KCNJ5: variants seen among roughly 807,000 people sequenced by gnomAD.
The protein encoded by KCNJ5 is G protein-activated inward rectifier potassium channel 4.
In KCNJ5, 12 loss-of-function variants were observed where a neutral mutation model predicts 20.2. That is an observed-to-expected ratio of 0.59 (90% confidence interval 0.38 to 0.96). KCNJ5 has a LOEUF of 0.96. KCNJ5 is among the 40% of genes least tolerant of loss of function. The pLI is 0.00. For synonymous variants in KCNJ5, 210 were observed against 213.9 expected, an observed-to-expected ratio of 0.98 and a Z score of 0.16; for missense variants, 449 against 557.6, an observed-to-expected ratio of 0.81 and a Z score of 1.96.
chr11:128,894,899 A>C (rs1944148092), intron 1 of KCNJ5, among the ~76,000 whole-genome samples: 1 of 152,236 alleles, frequency 6.6e-6, no homozygotes, highest in South Asian at 2.1e-4. Context: ...TGGTAGAGCC[A>C]AAGCTTTAAT....
Position 128,911,892 on chromosome 11 carries a change from G to C in KCNJ5, c.619G>C (p.Val207Leu). 1 of 1,609,696 alleles carries C rather than the reference G, an allele frequency of 6.2e-7. No homozygotes were observed. Among genetic ancestry groups the C allele is most frequent in the South Asian group, 1.1e-5 (1 of 90,924 alleles). The change falls in exon 2 of 3, where the codon GTC becomes CTC. Residue 207 changes from valine to leucine, a missense_variant. Val to Leu is a conservative substitution (Grantham distance 32). Coordinates refer to ENST00000529694, the MANE Select transcript of KCNJ5 (RefSeq NM_000890.5). This position sits in a 1 kb window ranked among gnomAD's most constrained non-coding sequence, Gnocchi z 6.3. ...GACCCTCATGTTTTCCAACAACGCAGTCATCTCCATGCGGGACGAGAAGCT... is the reference window on the plus strand; with the variant it reads ...GACCCTCATGTTTTCCAACAACGCACTCATCTCCATGCGGGACGAGAAGCT... ...AETLMFSNNA[V>L]ISMRDEKLCL...
At chr11:128,904,830 A>C (rs1944368773) in intron 1 of KCNJ5, among the ~76,000 whole-genome samples, 2 of 152,242 alleles carry the variant, frequency 1.3e-5, no homozygotes, top group African/African-American at 4.8e-5. Context: ...ATCATGTGCT[A>C]TGAAACAAAC....
chr11:128,905,337 A>C (rs1944384943), intron 1 of KCNJ5, among the ~76,000 whole-genome samples: 1 of 151,744 alleles, frequency 6.6e-6, no homozygotes, highest in African/African-American at 2.4e-5. Context: ...GGCCACACCC[A>C]GGCGTCGAGC....
chr11:128,894,808 T>G (rs1234598384), intron 1 of KCNJ5, among the ~76,000 whole-genome samples: 1 of 152,188 alleles, frequency 6.6e-6, no homozygotes, highest in Non-Finnish European at 1.5e-5. Flanking sequence ...CCTCCTACCT[T>G]GACATTCTGA....
chr11:128,899,967 C>T (rs1944244636), intron 1 of KCNJ5: 1 of 152,102 alleles, frequency 6.6e-6, no homozygotes, highest in Non-Finnish European at 1.5e-5. Context: ...CAGTCACAAG[C>T]TCACGGGCCT....
rs1290084123 is a variant in KCNJ5, at chr11:128,911,594, T to C, written c.321T>C (p.Ile107=). Residue 107 remains isoleucine, a synonymous_variant, in exon 2 of 3, where the codon ATT becomes ATC. Transcript: ENST00000529694. This position sits in a 1 kb window ranked among gnomAD's most constrained non-coding sequence, Gnocchi z 6.3. ...YTVTWLFFGF[I]WWLIAYIRGD... ...TCACCTGGCTGTTCTTCGGCTTCAT[T>C]TGGTGGCTCATTGCTTATATCCGGG... The C allele has an allele frequency of 1.2e-6, 2 of 1,614,184 alleles. No homozygotes were observed. The highest frequency in any genetic ancestry group is 1.1e-5 in the South Asian group (1 of 91,074).
intron 2 of KCNJ5, among the ~76,000 whole-genome samples, chr11:128,913,402 G>A (rs998470855): frequency 6.6e-6 from 1 of 152,152 alleles, no homozygotes; most frequent in African/African-American, 2.4e-5. Context: ...GGTAGCCAAG[G>A]ACCCCCCAGT....
At chr11:128,910,727 C>T (rs1944483716) in intron 1 of KCNJ5, among the ~76,000 whole-genome samples, 1 of 152,152 alleles carries the variant, frequency 6.6e-6, no homozygotes, top group Non-Finnish European at 1.5e-5. Flanking sequence ...GCTTGGAATA[C>T]CAGAGAACAA....
chr11:128,916,622 C>G lies in KCNJ5; in HGVS notation c.1151C>G (p.Pro384Arg), dbSNP rs148307402. 41 of 1,613,998 alleles carry G rather than the reference C, an allele frequency of 2.5e-5. No homozygotes were observed. In the African/African-American group the frequency reaches 3.5e-4, roughly 14 times the overall value. Residue 384 changes from proline (P) to arginine (R), a missense_variant, in exon 3 of 3, where the codon CCA (proline) becomes CGA (arginine). Around this residue, in one of 5 missense-constraint regions of KCNJ5, gnomAD observed 64 missense variants for 51.3 expected, o/e 1.25. Coordinates refer to ENST00000529694, the MANE Select transcript of KCNJ5 (RefSeq NM_000890.5). ...CTCCTCCAGTACCTCCCCAGCCCCCCACTGCTGGGGGGCTGTGCTGAGGCA... is the reference window on the plus strand; with the variant it reads ...CTCCTCCAGTACCTCCCCAGCCCCCGACTGCTGGGGGGCTGTGCTGAGGCA... Reference protein sequence around the residue: ...GRLLQYLPSPPLLGGCAEAGL... With the variant: ...GRLLQYLPSPRLLGGCAEAGL...
chr11:128,897,599 G>A (rs1231590388), intron 1 of KCNJ5, among the ~76,000 whole-genome samples: 1 of 152,018 alleles, frequency 6.6e-6, no homozygotes, highest in Admixed American at 6.5e-5. Context: ...CTCCTACTTT[G>A]TAATTTTGCC....
At chr11:128,913,582 C>CTTG (rs1555145346) in intron 2 of KCNJ5, among the ~76,000 whole-genome samples, 13 of 147,316 alleles carry the variant, frequency 8.8e-5, no homozygotes, top group African/African-American at 3.3e-4. Flanking sequence ...CTCTCTCTCT[C>CTTG]TTTTTTTTTT....
At chr11:128,916,201 G>C (rs1248872453) in intron 2 of KCNJ5, among the ~76,000 whole-genome samples, 1 of 147,374 alleles carries the variant, frequency 6.8e-6, no homozygotes, top group East Asian at 2.2e-4. Flanking sequence ...TGGATGGTTG[G>C]ATGGATGGAT....
rs1944080093 is a variant in KCNJ5, at chr11:128,891,425, CACACACACACACACACAG to C, written c.-305_-288del. ...ACACACACACACACACACACACACA[CACACACACACACACACAG>C]AGAGAGAGAGAGAGAGAGAGAGAGA... is the stretch of plus-strand genomic sequence containing the variant. On this transcript the variant is annotated 5_prime_UTR_variant, in exon 1 of 3. Coordinates refer to ENST00000529694, the MANE Select transcript of KCNJ5 (RefSeq NM_000890.5). The C allele has an allele frequency of 3.8e-5, 4 of 106,478 alleles. No individual in the cohort carries two copies. Among genetic ancestry groups the C allele is most frequent in the Non-Finnish European group, 5.7e-5 (3 of 52,674 alleles). The allele number at this position is 106,478 out of a possible 1,614,324, so 6.6% of individuals were successfully genotyped here. A position where few individuals can be genotyped will look rare whatever the true frequency, so the allele number is the denominator to read the frequency against.
At chr11:128,914,955 G>A (rs1392200072) in intron 2 of KCNJ5, among the ~76,000 whole-genome samples, 2 of 152,248 alleles carry the variant, frequency 1.3e-5, no homozygotes, top group African/African-American at 2.4e-5. Context: ...CAAGGGTAAC[G>A]ACTGAAGGGA....
chr11:128,914,832 G>A (rs1306323630), intron 2 of KCNJ5, among the ~76,000 whole-genome samples: 1 of 152,242 alleles, frequency 6.6e-6, no homozygotes, highest in Non-Finnish European at 1.5e-5. Flanking sequence ...GATCCCAAAG[G>A]GGAAAGGTCC....
At chr11:128,910,347 T>C (rs1219272857) in intron 1 of KCNJ5, among the ~76,000 whole-genome samples, 2 of 152,180 alleles carry the variant, frequency 1.3e-5, no homozygotes, top group South Asian at 4.1e-4. Flanking sequence ...CCAGTTCCAT[T>C]TCTTAGAGGA....
At chr11:128,894,745 C>T (rs376031882) in intron 1 of KCNJ5, among the ~76,000 whole-genome samples, 2 of 152,332 alleles carry the variant, frequency 1.3e-5, no homozygotes, top group African/African-American at 2.4e-5. Flanking sequence ...CCAGGGCTGG[C>T]GTGAGCGGCT....
chr11:128,899,698 GA>G (rs1288047772), intron 1 of KCNJ5: 8 of 152,202 alleles, frequency 5.3e-5, no homozygotes, highest in Non-Finnish European at 1.0e-4. Flanking sequence ...GCTTAAAAAG[GA>G]AAAGTACCAG....
At chr11:128,915,935 T>C (rs1384227337) in intron 2 of KCNJ5, among the ~76,000 whole-genome samples, 1 of 149,698 alleles carries the variant, frequency 6.7e-6, no homozygotes, top group East Asian at 2.0e-4. Context: ...GAATAAATAA[T>C]TGGGTGGATA....
Sources: gnomAD v4.1 joint callset for allele counts (sites outside exome capture counted in the v4.1 genomes callset) on GRCh38, gnomAD v4.1.1 for gene constraint, gnomAD v4.1.1 regional missense constraint, Gnocchi (gnomAD v3.1) non-coding constraint, MANE v1.5 for transcripts, NCBI Gene and HGNC (gene_info 2026-07-23, HGNC 2026-07-21) for gene names.